The following NFATC1 variants were observed in gnomAD, a reference collection of about 807,000 sequenced individuals.
NFATC1 encodes nuclear factor of activated T cells 1, also known as nuclear factor of activated T-cells, cytoplasmic 1.
NFATC1 carries 22 observed loss-of-function variants against 76.0 expected under a neutral mutation model. That is an observed-to-expected ratio of 0.29 (90% CI 0.21 to 0.41). NFATC1 has a LOEUF of 0.41. NFATC1 is among the 10% of genes least tolerant of loss of function. NFATC1 has a pLI of 1.00. For missense variants in NFATC1, 1,357 were observed against 1,337.7 expected (o/e 1.01, Z -0.23); for synonymous variants, 704 against 613.1 (o/e 1.15, Z -2.19).
chr18:79,476,260 G>T (rs1445024814), intron 8 of NFATC1, among the ~76,000 whole-genome samples: 3 of 152,242 alleles, frequency 2.0e-5, no homozygotes, highest in Admixed American at 2.0e-4. Context: ...GGCGGCGTCG[G>T]CCATGCTGCT....
chr18:79,413,249 G>A (rs1405363068), intron 2 of NFATC1, among the ~76,000 whole-genome samples: 1 of 152,220 alleles, frequency 6.6e-6, no homozygotes, highest in African/African-American at 2.4e-5. Flanking sequence ...TCGTAATGCA[G>A]TTGTGAACCT....
chr18:79,431,646 C>A (rs777899719), intron 2 of NFATC1, among the ~76,000 whole-genome samples: 1 of 152,182 alleles, frequency 6.6e-6, no homozygotes, highest in African/African-American at 2.4e-5. Flanking sequence ...TCCCCTTGGC[C>A]TCCCAAAGTT....
chr18:79,521,531 T>A (rs1197604187), intron 9 of NFATC1, among the ~76,000 whole-genome samples: 2 of 65,052 alleles, frequency 3.1e-5, no homozygotes, highest in Non-Finnish European at 5.8e-5. Context: ...GAGCATCCAC[T>A]GATGTGTATG....
intron 6 of NFATC1, among the ~76,000 whole-genome samples, chr18:79,459,916 G>A (rs552687437): frequency 4.6e-5 from 7 of 152,290 alleles, no homozygotes; most frequent in East Asian, 1.9e-4. Context: ...GAGTGAAAAC[G>A]CCTCTTTCTT....
At chr18:79,478,274 T>C (rs988948447) in intron 8 of NFATC1, among the ~76,000 whole-genome samples, 1 of 152,032 alleles carries the variant, frequency 6.6e-6, no homozygotes, top group Non-Finnish European at 1.5e-5. Flanking sequence ...TCAGATCTTG[T>C]CACCTCTGTC....
At chr18:79,478,412 G>C (rs2089160064) in intron 8 of NFATC1, among the ~76,000 whole-genome samples, 1 of 152,064 alleles carries the variant, frequency 6.6e-6, no homozygotes, top group African/African-American at 2.4e-5. Context: ...ATTAAGAGCT[G>C]TGATGAGCCC....
At chr18:79,402,348 C>T (rs1296802128) in intron 1 of NFATC1, 1 of 985,356 alleles carries the variant, frequency 1.0e-6, no homozygotes, top group Non-Finnish European at 1.2e-6. Flanking sequence ...GGGGTCTCTC[C>T]TGACCCAGAA....
chr18:79,423,493 C>T (rs2086173636), intron 2 of NFATC1, among the ~76,000 whole-genome samples: 1 of 152,206 alleles, frequency 6.6e-6, no homozygotes, highest in Non-Finnish European at 1.5e-5. Flanking sequence ...ATGGGGACAG[C>T]AGATCCTGCC....
At chr18:79,478,960 C>T (rs1468567508) in intron 8 of NFATC1, among the ~76,000 whole-genome samples, 3 of 152,184 alleles carry the variant, frequency 2.0e-5, no homozygotes, top group African/African-American at 4.8e-5. Context: ...CACTGCGCGC[C>T]GCCTCCACAG....
intron 9 of NFATC1, among the ~76,000 whole-genome samples, chr18:79,512,888 G>A (rs1434906586): frequency 6.6e-6 from 1 of 152,258 alleles, no homozygotes. Flanking sequence ...GCCTTCCCGT[G>A]TGAATGTGGG....
At chr18:79,438,723 C>T (rs774025671) in intron 3 of NFATC1, among the ~76,000 whole-genome samples, 17 of 151,990 alleles carry the variant, frequency 1.1e-4, no homozygotes, top group Admixed American at 1.0e-3. Context: ...GTGAGAGGGG[C>T]GGGCGGGTCA....
chr18:79,459,284 C>T (rs2087922571), intron 6 of NFATC1, among the ~76,000 whole-genome samples: 1 of 152,230 alleles, frequency 6.6e-6, no homozygotes, highest in South Asian at 2.1e-4. Context: ...AGGATGGTTC[C>T]CCACAGGCCC....
At chr18:79,489,892 G>A (rs866233505) in intron 9 of NFATC1, among the ~76,000 whole-genome samples, 3 of 152,362 alleles carry the variant, frequency 2.0e-5, no homozygotes, top group South Asian at 2.1e-4. Flanking sequence ...GGCGCTAGGC[G>A]GTGCCGCTTC....
In NFATC1 at chr18:79,524,001, A is replaced by G. The variant is rs1286755345; in HGVS notation, c.2783-3527A>G. On this transcript the variant is annotated intron_variant, in intron 9 of 9. Coordinates refer to ENST00000427363, the MANE Select transcript of NFATC1 (RefSeq NM_001278669.2). This position sits in a 1 kb window ranked among gnomAD's most constrained non-coding sequence, Gnocchi z 7.2. The stretch of plus-strand genomic sequence containing the variant: ...ACCCTTTGTGTCTGTGGAAAAGCTG[A>G]ATAAGAAGATGGAAATTATCAGCAG... 1 of 152,214 alleles carries G rather than the reference A, an allele frequency of 6.6e-6. No homozygotes were observed. Among genetic ancestry groups the G allele is most frequent in the Non-Finnish European group, 1.5e-5 (1 of 68,038 alleles). The allele number at this position is 152,214 out of a possible 1,614,324, so 9.4% of individuals were successfully genotyped here.
rs146545526 is a variant in NFATC1, at chr18:79,478,325, C to T, written c.2093-7923C>T. Among the ~76,000 whole-genome samples the T allele has an allele frequency of 4.1e-3, 627 of 152,190 alleles. 2 individuals are homozygous for T. Among genetic ancestry groups the T allele is most frequent in the Middle Eastern group, 0.014 (4 of 294 alleles). Reference sequence around the variant, plus strand: ...GCCCTGATCTGGGAGCCGTGAAGACCCCAGCTGTCCCCCGGGAGCCAGGCC... The same window carrying T: ...GCCCTGATCTGGGAGCCGTGAAGACTCCAGCTGTCCCCCGGGAGCCAGGCC... On this transcript the variant is annotated intron_variant, in intron 8 of 9. Coordinates refer to ENST00000427363, the MANE Select transcript of NFATC1 (RefSeq NM_001278669.2).
At chr18:79,459,128 G>A (rs920710619) in intron 6 of NFATC1, among the ~76,000 whole-genome samples, 1 of 152,232 alleles carries the variant, frequency 6.6e-6, no homozygotes, top group Non-Finnish European at 1.5e-5. Context: ...ACTTTTAGGG[G>A]AAGTCTAAGC....
Position 79,486,585 on chromosome 18 carries a change from C to T in NFATC1, c.2430C>T (p.His810=), listed in dbSNP as rs759003024. 15 of 1,588,848 alleles carry T rather than the reference C, an allele frequency of 9.4e-6. No individual in the cohort carries two copies. The highest frequency in any genetic ancestry group is 6.7e-5 in the African/African-American group (5 of 74,460). ...ACGTGCCCAGGCCAGTGGCCACGCA[C>T]CCCGGCTCGCCCGGGCAGCCACCCC... ...VQDVPRPVAT[H]PGSPGQPPPA... The change falls in exon 9 of 10, where the codon CAC becomes CAT. Residue 810 remains histidine (H), a synonymous_variant. Coordinates refer to ENST00000427363, the MANE Select transcript of NFATC1 (RefSeq NM_001278669.2).
At chr18:79,481,838 A>C (rs2089283474) in intron 8 of NFATC1, among the ~76,000 whole-genome samples, 1 of 143,990 alleles carries the variant, frequency 6.9e-6, no homozygotes, top group African/African-American at 2.9e-5. Flanking sequence ...TTCCAGCGTG[A>C]CCTGGTTCCT....
chr18:79,475,228 G>A (rs1203784896), intron 8 of NFATC1, among the ~76,000 whole-genome samples: 1 of 148,378 alleles, frequency 6.7e-6, no homozygotes, highest in South Asian at 2.2e-4. Flanking sequence ...AAACCTGAGG[G>A]AAGTGTGTTC....
Sources: allele counts gnomAD v4.1 joint callset (sites outside exome capture counted in the v4.1 genomes callset), GRCh38; gene constraint gnomAD v4.1.1; non-coding constraint Gnocchi (gnomAD v3.1); transcripts MANE v1.5; gene names NCBI Gene and HGNC (gene_info 2026-07-23, HGNC 2026-07-21).